The following NSUN6 variants were observed in gnomAD, a reference collection of about 807,000 sequenced individuals.
NSUN6 encodes tRNA (cytosine(72)-C(5))-methyltransferase NSUN6.
In NSUN6, 64 loss-of-function variants were observed where a neutral mutation model predicts 58.0. The ratio of observed to expected loss-of-function variants is 1.10; its 90% confidence interval spans 0.90 to 1.36. NSUN6 has a LOEUF of 1.36. NSUN6 is among the 40% of genes most tolerant of loss of function. The probability of loss-of-function intolerance (pLI) is 0.00; values close to 1 mark genes in which losing one functional copy is unlikely to be tolerated. For missense variants in NSUN6, 701 were observed against 550.1 expected (o/e 1.27, Z -2.74); for synonymous variants, 231 against 193.9 (o/e 1.19, Z -1.59).
intron 4 of NSUN6, among the ~76,000 whole-genome samples, chr10:18,614,912 A>G (rs912345455): frequency 1.3e-5 from 2 of 152,112 alleles, no homozygotes; most frequent in Non-Finnish European, 2.9e-5. Context: ...CCAAGCCTTA[A>G]AAGATTTCTT....
chr10:18,636,281 C>T (rs1370050551), intron 3 of NSUN6, among the ~76,000 whole-genome samples: 3 of 151,324 alleles, frequency 2.0e-5, no homozygotes, highest in Non-Finnish European at 4.4e-5. Flanking sequence ...ATAAACTGTG[C>T]CATAAGGACT....
intron 3 of NSUN6, among the ~76,000 whole-genome samples, chr10:18,622,007 AT>A (rs1390803067): frequency 1.6e-4 from 7 of 43,816 alleles, no homozygotes; most frequent in African/African-American, 7.1e-4. Flanking sequence ...CAATAACCCT[AT>A]TCACACATAT....
chr10:18,651,260 T>TC lies in NSUN6; in HGVS notation c.-58_-57insG. 1 of 1,502,842 alleles carries TC rather than the reference T, an allele frequency of 6.7e-7. No homozygotes were observed. Among genetic ancestry groups the TC allele is most frequent in the South Asian group, 1.3e-5 (1 of 75,512 alleles). 93.1% of individuals were successfully genotyped at this position (1,502,842 alleles called of 1,614,324 possible). On this transcript the variant is annotated 5_prime_UTR_variant, in exon 1 of 11. Transcript: ENST00000377304. The stretch of plus-strand genomic sequence containing the variant: ...AATGCTGGAAAACGGTGTTTTGTTT[T>TC]TTTTTTTCTTTCCGAATTAATAGTG...
chr10:18,591,449 G>A (rs1048581809), intron 7 of NSUN6, among the ~76,000 whole-genome samples: 3 of 152,140 alleles, frequency 2.0e-5, no homozygotes, highest in Non-Finnish European at 2.9e-5. Context: ...TATCCCTGAT[G>A]AATATCTATG....
At chr10:18,576,788 T>A (rs1589927870) in intron 8 of NSUN6, among the ~76,000 whole-genome samples, 1 of 152,290 alleles carries the variant, frequency 6.6e-6, no homozygotes, top group South Asian at 2.1e-4. Context: ...GTGGTGGTAT[T>A]GTGGTAGACC....
chr10:18,638,781 AG>A (rs895923458), intron 3 of NSUN6, among the ~76,000 whole-genome samples: 11 of 152,036 alleles, frequency 7.2e-5, no homozygotes, highest in African/African-American at 2.7e-4. Flanking sequence ...AGGCACACTT[AG>A]GGAAAGGGCA....
chr10:18,656,687 G>A (rs1305630379), upstream of NSUN6, among the ~76,000 whole-genome samples: 2 of 151,982 alleles, frequency 1.3e-5, no homozygotes, highest in Admixed American at 6.6e-5. Flanking sequence ...GAATTCCCGA[G>A]TTGTTTGACA....
intron 2 of NSUN6, among the ~76,000 whole-genome samples, chr10:18,646,695 G>T (rs546286716): frequency 3.9e-4 from 59 of 152,172 alleles, no homozygotes; most frequent in African/African-American, 1.3e-3. Flanking sequence ...ATACAAAAAT[G>T]TAGCAGGCGT....
At chr10:18,611,255 C>G (rs1306252120) in intron 5 of NSUN6, among the ~76,000 whole-genome samples, 1 of 151,884 alleles carries the variant, frequency 6.6e-6, no homozygotes, top group Non-Finnish European at 1.5e-5. Context: ...GGGTACAATC[C>G]AAGGAGAGTC....
At chr10:18,556,064 AGAATGGAATGGAATCGAGAATT>A (rs930567714) in intron 8 of NSUN6, among the ~76,000 whole-genome samples, 1 of 151,240 alleles carries the variant, frequency 6.6e-6, no homozygotes, top group Non-Finnish European at 1.5e-5. Context: ...GGGAAAATGG[AGAATGGAATGGAATCGAGAATT>A]GAATGGAATG....
At chr10:18,638,604 G>T (rs1411024062) in intron 3 of NSUN6, among the ~76,000 whole-genome samples, 4 of 152,106 alleles carry the variant, frequency 2.6e-5, no homozygotes, top group Non-Finnish European at 4.4e-5. Context: ...GTGGGCCTTA[G>T]ATTTCTTCAC....
At chr10:18,562,711 G>A (rs2055615037) in intron 8 of NSUN6, among the ~76,000 whole-genome samples, 2 of 150,342 alleles carry the variant, frequency 1.3e-5, no homozygotes, top group African/African-American at 4.9e-5. Flanking sequence ...ATGGAATGGA[G>A]AATGGAATGG....
At chr10:18,556,525 T>A (rs572908290) in intron 8 of NSUN6, among the ~76,000 whole-genome samples, 1 of 148,600 alleles carries the variant, frequency 6.7e-6, no homozygotes, top group Non-Finnish European at 1.5e-5. Context: ...GAGAATGGAA[T>A]GGAATGCAGT....
chr10:18,605,997 A>G (rs1166221882), intron 6 of NSUN6, among the ~76,000 whole-genome samples: 1 of 152,228 alleles, frequency 6.6e-6, no homozygotes, highest in Non-Finnish European at 1.5e-5. Flanking sequence ...AGATTGCTGG[A>G]TCAGAGATAG....
In NSUN6 at chr10:18,598,492, G is replaced by A. The variant is rs148863969; in HGVS notation, c.658-2165C>T. ...AGGATCTGGCTCTGTTACCCAGGCT[G>A]TCCGGGTCTCAGACTGTCACCTAGG... On this transcript the variant is annotated intron_variant, in intron 6 of 10. Transcript: ENST00000377304. 8.2e-4 allele frequency among the ~76,000 whole-genome samples: 125 copies of A among 152,304 alleles called. 2 individuals are homozygous for A. The highest frequency in any genetic ancestry group is 2.8e-3 in the African/African-American group (117 of 41,560).
chr10:18,622,690 C>T (rs760468736), intron 3 of NSUN6, among the ~76,000 whole-genome samples: 1 of 152,098 alleles, frequency 6.6e-6, no homozygotes, highest in Non-Finnish European at 1.5e-5. Flanking sequence ...GCCTGGGCAA[C>T]AAGAGCAAGA....
chr10:18,637,113 C>T (rs2059243515), intron 3 of NSUN6, among the ~76,000 whole-genome samples: 1 of 151,700 alleles, frequency 6.6e-6, no homozygotes, highest in Non-Finnish European at 1.5e-5. Context: ...TAGGCATGCA[C>T]CACCACACCC....
At chr10:18,603,511 C>A (rs907338700) in intron 6 of NSUN6, among the ~76,000 whole-genome samples, 58 of 150,786 alleles carry the variant, frequency 3.8e-4, no homozygotes, top group African/African-American at 1.4e-3. Context: ...GCTCTTGTCG[C>A]CCAGGCTGGA....
At chr10:18,623,408 A>G (rs2058677134) in intron 3 of NSUN6, among the ~76,000 whole-genome samples, 1 of 152,218 alleles carries the variant, frequency 6.6e-6, no homozygotes, top group South Asian at 2.1e-4. Context: ...AGAAACAGCT[A>G]TAATTGCGAT....
Sources: allele counts gnomAD v4.1 joint callset (sites outside exome capture counted in the v4.1 genomes callset), GRCh38; gene constraint gnomAD v4.1.1; transcripts MANE v1.5; gene names NCBI Gene and HGNC (gene_info 2026-07-23, HGNC 2026-07-21).